The following CLTCL1 variants were observed in gnomAD, a reference collection of about 807,000 sequenced individuals.
CLTCL1 encodes the protein clathrin heavy chain like 1.
In CLTCL1, 159 loss-of-function variants were observed where a neutral mutation model predicts 190.0. That is an observed-to-expected ratio of 0.84 (90% CI 0.74 to 0.95). The LOEUF is 0.95. Ranked by LOEUF, CLTCL1 falls within the 40% of genes least tolerant of loss-of-function variation. The pLI is 0.00. For missense variants in CLTCL1, 1,878 were observed against 2,033.4 expected, an observed-to-expected ratio of 0.92 and a Z score of 1.47; for synonymous variants, 752 against 769.6, an observed-to-expected ratio of 0.98 and a Z score of 0.38.
chr22:19,271,425 A>G (rs1555980656), intron 2 of CLTCL1, among the ~76,000 whole-genome samples: 1 of 152,104 alleles, frequency 6.6e-6, no homozygotes, highest in Admixed American at 6.6e-5. Context: ...CCTGTGGGTT[A>G]GCCCTGCTCT....
chr22:19,269,580 C>T (rs1424567914), intron 2 of CLTCL1, among the ~76,000 whole-genome samples: 3 of 152,198 alleles, frequency 2.0e-5, no homozygotes, highest in African/African-American at 4.8e-5. Flanking sequence ...GGTACATACA[C>T]ACCACGGAAT....
At chr22:19,228,078 A>G (rs2085807520) in intron 11 of CLTCL1, among the ~76,000 whole-genome samples, 1 of 152,064 alleles carries the variant, frequency 6.6e-6, no homozygotes, top group Non-Finnish European at 1.5e-5. Flanking sequence ...TGCATCACCA[A>G]CCAGGTATGG....
intron 10 of CLTCL1, among the ~76,000 whole-genome samples, chr22:19,231,468 A>G (rs1222414597): frequency 6.6e-6 from 1 of 152,204 alleles, no homozygotes; most frequent in Non-Finnish European, 1.5e-5. Context: ...TAGCTACGCT[A>G]TTGATTCTGT....
chr22:19,232,492 A>C lies in CLTCL1; in HGVS notation c.1628T>G (p.Leu543Arg). 1 of 1,614,012 alleles carries C rather than the reference A, an allele frequency of 6.2e-7. No homozygotes were observed. The highest frequency in any genetic ancestry group is 1.1e-5 in the South Asian group (1 of 91,082). The change falls in exon 10 of 33, where the codon CTG (leucine) becomes CGG (arginine). Residue 543 changes from leucine to arginine, a missense_variant. Physicochemically the swap from Leu to Arg is moderately radical, Grantham distance 102. Transcript: ENST00000427926. ...TACGCTCACCTGGCTAATGTTGGCC[A>C]GCGGCTCCTCGTCCTGCACTAGCAT... ...SRMLVQDEEP[L>R]ANISQIVDIF...
intron 22 of CLTCL1, among the ~76,000 whole-genome samples, chr22:19,206,079 C>T (rs996202377): frequency 6.6e-6 from 1 of 152,124 alleles, no homozygotes; most frequent in Non-Finnish European, 1.5e-5. Flanking sequence ...GGATGTGCCA[C>T]AATGCCTGGT....
chr22:19,251,911 T>C (rs2086603914), intron 3 of CLTCL1, among the ~76,000 whole-genome samples: 1 of 152,220 alleles, frequency 6.6e-6, no homozygotes, highest in Non-Finnish European at 1.5e-5. Context: ...AAGATGTTAG[T>C]TGTATTTGTT....
intron 6 of CLTCL1, among the ~76,000 whole-genome samples, chr22:19,234,949 C>T (rs1277429430): frequency 1.3e-5 from 2 of 152,176 alleles, no homozygotes; most frequent in Non-Finnish European, 2.9e-5. Flanking sequence ...ATGCGTTCTG[C>T]GCTACAGCAA....
In CLTCL1 at chr22:19,233,533, T is replaced by C; in HGVS notation, c.1257A>G (p.Gly419=). The change falls in exon 8 of 33, where the codon GGA becomes GGG. Residue 419 remains glycine, a synonymous_variant. Coordinates refer to ENST00000427926, the MANE Select transcript of CLTCL1 (RefSeq NM_007098.4). ...GQASPLLQYF[G]ILLDQGQLNK... ...TGAGCTGACCCTGGTCGAGCAGGAT[T>C]CCGAAGTACTGCAGCAATGGAGAAG... 6.2e-7 allele frequency: 1 copy of C among 1,613,954 alleles called. No individual in the cohort carries two copies. Among genetic ancestry groups the C allele is most frequent in the Non-Finnish European group, 8.5e-7 (1 of 1,179,870 alleles).
rs1555936036 is a variant in CLTCL1 at position 19,196,656 on chromosome 22, C to A, written c.3874G>T (p.Asp1292Tyr). The change falls in exon 25 of 33, where the codon GAT (aspartate) becomes TAT (tyrosine). Residue 1292 changes from aspartate to tyrosine, a missense_variant and splice_region_variant. Physicochemically the swap from Asp to Tyr is radical, Grantham distance 160. Coordinates refer to ENST00000427926, the MANE Select transcript of CLTCL1 (RefSeq NM_007098.4). The stretch of plus-strand genomic sequence containing the variant: ...ATCAGCTCCTCAAAGTAGCCACGAT[C>A]CTAGCAGACCAACAGCCACGCGTGG... ...ELEELMCYYQ[D>Y]RGYFEELILL... 6.2e-7 allele frequency: 1 copy of A among 1,611,586 alleles called. No homozygotes were observed. Among genetic ancestry groups the A allele is most frequent in the Non-Finnish European group, 8.5e-7 (1 of 1,178,674 alleles).
At chr22:19,291,567 G>C (rs2088126016) in intron 1 of CLTCL1, 33 bp downstream of exon 1, 1 of 1,342,366 alleles carries the variant, frequency 7.4e-7, no homozygotes, top group East Asian at 3.2e-5. Flanking sequence ...AGGCGCGGCT[G>C]ACAGGGCAGC....
Position 19,219,157 on chromosome 22 carries a change from T to TTTTATTTA in CLTCL1, c.2919+720_2919+727dup, listed in dbSNP as rs201050834. 9.8e-3 allele frequency among the ~76,000 whole-genome samples: 1,464 copies of TTTTATTTA among 148,940 alleles called. 11 individuals are homozygous for TTTTATTTA. Among genetic ancestry groups the TTTTATTTA allele is most frequent in the African/African-American group, 0.024 (962 of 39,674 alleles). On this transcript the variant is annotated intron_variant, in intron 18 of 32. Coordinates refer to ENST00000427926, the MANE Select transcript of CLTCL1 (RefSeq NM_007098.4). ...GAGAAGGTTCGTAAGGACTAAGATGTTTTATTTATTTATTTATTTATTTAT... is the reference window on the plus strand; with the variant it reads ...GAGAAGGTTCGTAAGGACTAAGATGTTTTATTTATTTATTTATTTATTTATTTATTTAT...
chr22:19,219,483 C>G (rs1259829182), intron 18 of CLTCL1, among the ~76,000 whole-genome samples: 1 of 147,910 alleles, frequency 6.8e-6, no homozygotes, highest in African/African-American at 2.5e-5. Flanking sequence ...CCATGCCTGG[C>G]CTATTTATTT....
chr22:19,182,293 G>A (rs1365936893), intron 30 of CLTCL1: 1 of 152,322 alleles, frequency 6.6e-6, no homozygotes, highest in Non-Finnish European at 1.5e-5. Flanking sequence ...GCCGCCTGTA[G>A]GGAGTTGCCA....
intron 2 of CLTCL1, among the ~76,000 whole-genome samples, chr22:19,268,701 T>C (rs1395901345): frequency 1.3e-5 from 2 of 152,222 alleles, no homozygotes; most frequent in African/African-American, 4.8e-5. Context: ...TAGTATCAAG[T>C]GTTGGCATGG....
chr22:19,230,503 C>G (rs764324691), intron 10 of CLTCL1, among the ~76,000 whole-genome samples: 1 of 152,152 alleles, frequency 6.6e-6, no homozygotes, highest in Non-Finnish European at 1.5e-5. Flanking sequence ...GGATGCATTC[C>G]TTGAGCCCAG....
At chr22:19,278,802 C>T (rs112262612) in intron 1 of CLTCL1, among the ~76,000 whole-genome samples, 1,690 of 152,262 alleles carry the variant, frequency 0.011, 28 homozygotes, top group African/African-American at 0.039. Context: ...AGTGCAGTGG[C>T]GTGATCTCGG....
Position 19,226,308 on chromosome 22 carries a change from C to T in CLTCL1, c.1858G>A (p.Ala620Thr). ...RAHIAQLCEK[A>T]GLLQQALEHY... ...TCCAGTGCTTGCTGCAGGAGGCCTGCCTTCTCACAGAGCTGGGCAATGTGG... is the reference window on the plus strand; with the variant it reads ...TCCAGTGCTTGCTGCAGGAGGCCTGTCTTCTCACAGAGCTGGGCAATGTGG... The change falls in exon 12 of 33, where the codon GCA (alanine) becomes ACA (threonine). Residue 620 changes from alanine (A) to threonine (T), a missense_variant. Physicochemically the swap from Ala to Thr is moderately conservative, Grantham distance 58. Transcript: ENST00000427926. 2.5e-6 allele frequency: 4 copies of T among 1,614,038 alleles called. No homozygotes were observed. The highest frequency in any genetic ancestry group is 3.4e-6 in the Non-Finnish European group (4 of 1,179,900).
intron 2 of CLTCL1, chr22:19,257,997 TTGC>T: frequency 3.5e-6 from 2 of 575,594 alleles, no homozygotes; most frequent in Admixed American, 2.0e-5. Flanking sequence ...AATGCCCATC[TTGC>T]TGCTGCTGAC....
chr22:19,285,209 A>G (rs1384682992), intron 1 of CLTCL1, among the ~76,000 whole-genome samples: 1 of 152,082 alleles, frequency 6.6e-6, no homozygotes, highest in Non-Finnish European at 1.5e-5. Context: ...CTGGAGGCAG[A>G]GGTTGCAGTG....
Sources: allele counts gnomAD v4.1 joint callset (sites outside exome capture counted in the v4.1 genomes callset), GRCh38; gene constraint gnomAD v4.1.1; transcripts MANE v1.5; gene names NCBI Gene and HGNC (gene_info 2026-07-23, HGNC 2026-07-21).